INO80D: variants seen among roughly 807,000 people sequenced by gnomAD.
The protein encoded by INO80D is INO80 complex subunit D.
In INO80D, 21 loss-of-function variants were observed where a neutral mutation model predicts 87.6. The observed-to-expected ratio is 0.24, with a 90% CI of 0.17 to 0.35. INO80D has a LOEUF of 0.35. Ranked by LOEUF, INO80D falls within the 10% of genes least tolerant of loss-of-function variation. The pLI, the probability that INO80D is intolerant of heterozygous loss-of-function variation, is 1.00. For missense variants in INO80D, 982 were observed against 1,280.7 expected, an observed-to-expected ratio of 0.77 and a Z score of 3.56; for synonymous variants, 440 against 491.0, an observed-to-expected ratio of 0.90 and a Z score of 1.37.
Position 206,062,681 on chromosome 2 carries a change from G to C in INO80D, c.218+118C>G. 2.5e-6 allele frequency: 2 copies of C among 800,290 alleles called. No individual in the cohort carries two copies. The highest frequency in any genetic ancestry group is 4.0e-6 in the Non-Finnish European group (2 of 498,278). The allele number at this position is 800,290 out of a possible 1,614,324, so 49.6% of individuals were successfully genotyped here. A position where few individuals can be genotyped will look rare whatever the true frequency, so the allele number is the denominator to read the frequency against. The stretch of plus-strand genomic sequence containing the variant: ...CCCAGAATTCAACATTTATATAGGT[G>C]GAGGAAGGGAGGGAGGGAGAAATGA... On this transcript the variant is annotated intron_variant, in intron 3 of 10. Coordinates refer to ENST00000403263, the MANE Select transcript of INO80D (RefSeq NM_017759.5). This position sits in a 1 kb window ranked among gnomAD's most constrained non-coding sequence, Gnocchi z 4.6.
intron 5 of INO80D, among the ~76,000 whole-genome samples, chr2:206,034,509 T>C (rs936540261): frequency 1.3e-5 from 2 of 152,152 alleles, no homozygotes; most frequent in Admixed American, 6.5e-5. Flanking sequence ...ATCATCTCAA[T>C]AGATGCAGAA....
chr2:206,071,881 G>T (rs1458595736), intron 1 of INO80D, among the ~76,000 whole-genome samples: 6 of 151,924 alleles, frequency 3.9e-5, no homozygotes, highest in Non-Finnish European at 8.8e-5. Context: ...TAACTCACAG[G>T]AGCCCACATG....
chr2:206,080,611 G>C (rs1690249748), intron 1 of INO80D, among the ~76,000 whole-genome samples: 1 of 151,994 alleles, frequency 6.6e-6, no homozygotes, highest in Non-Finnish European at 1.5e-5. Flanking sequence ...TTCACATCAA[G>C]AATATTAAAA....
At chr2:206,024,410 G>A (rs1481177992) in intron 6 of INO80D, among the ~76,000 whole-genome samples, 38 of 152,054 alleles carry the variant, frequency 2.5e-4, no homozygotes, top group Admixed American at 2.5e-3. Flanking sequence ...AAGTCTCTGA[G>A]TAAGCTGAGA....
rs1575908013 is a variant in INO80D at position 206,085,116 on chromosome 2, G to A, written c.-124+785C>T. On this transcript the variant is annotated intron_variant, in intron 1 of 10. Transcript: ENST00000403263. The surrounding 1 kb of genome is among the most constrained non-coding windows in gnomAD (Gnocchi z 4.5). ...AGTGCGCTCCCCCACGCCCTGGGGG[G>A]TCCCGGGCGCTAGGACCAGGGCTCC... 6.6e-6 allele frequency among the ~76,000 whole-genome samples: 1 copy of A among 152,054 alleles called. No homozygotes were observed. Among genetic ancestry groups the A allele is most frequent in the South Asian group, 2.1e-4 (1 of 4,834 alleles).
intron 1 of INO80D, among the ~76,000 whole-genome samples, chr2:206,067,436 A>G (rs1031679669): frequency 6.6e-6 from 1 of 152,150 alleles, no homozygotes; most frequent in African/African-American, 2.4e-5. Flanking sequence ...ATTATTATAC[A>G]GTTTTGAATA....
chr2:206,032,393 G>A (rs1688792424), intron 5 of INO80D, among the ~76,000 whole-genome samples: 1 of 152,218 alleles, frequency 6.6e-6, no homozygotes, highest in Admixed American at 6.5e-5. Context: ...GGAGCTGGGT[G>A]AGGCCTATGA....
chr2:206,043,273 G>C (rs901487421), intron 5 of INO80D, among the ~76,000 whole-genome samples: 1 of 152,082 alleles, frequency 6.6e-6, no homozygotes, highest in Admixed American at 6.6e-5. Context: ...CCGCGTTCAA[G>C]CAATTCTTCT....
intron 6 of INO80D, chr2:206,025,707 A>C (rs1022248582): frequency 6.6e-6 from 1 of 151,434 alleles, no homozygotes; most frequent in Non-Finnish European, 1.5e-5. Context: ...AAGGAAAAGA[A>C]ATTTTTTAAA....
chr2:206,083,801 T>G (rs1486851023), intron 1 of INO80D, among the ~76,000 whole-genome samples: 2 of 129,506 alleles, frequency 1.5e-5, no homozygotes, highest in Non-Finnish European at 3.1e-5. Flanking sequence ...TGCCAGCAAC[T>G]CCAGCCTGCT....
In INO80D at chr2:206,002,572, T is replaced by C. The variant is rs553186547; in HGVS notation, c.*1796A>G. The C allele has an allele frequency of 1.8e-4, 27 of 152,312 alleles. No individual in the cohort carries two copies. The highest frequency in any genetic ancestry group is 6.5e-4 in the African/African-American group (27 of 41,574). The allele number at this position is 152,312 out of a possible 1,614,324, so 9.4% of individuals were successfully genotyped here. A position where few individuals can be genotyped will look rare whatever the true frequency, so the allele number is the denominator to read the frequency against. ...AATGATTTCATACAGTCATGTGACA[T>C]TTCCCCTCCATAACCTCAGGCACGT... On this transcript the variant is annotated 3_prime_UTR_variant, in exon 11 of 11. Transcript: ENST00000403263.
rs893370188 is a variant in INO80D, at chr2:206,004,615, G to A, written c.2837C>T (p.Pro946Leu). ...ACTGAAGCTGGTCTGTGGTAACCCC[G>A]GAAGCACACTGGAGCTGCTGGGGGT... ...TVTPSSSSVL[P>L]GLPQTSFSGM... The change falls in exon 11 of 11, where the codon CCG (proline) becomes CTG (leucine). Residue 946 changes from proline to leucine, a missense_variant. Physicochemically the swap from Pro to Leu is moderately conservative, Grantham distance 98 (BLOSUM62 -3). Transcript: ENST00000403263. The surrounding 1 kb of genome is among the most constrained non-coding windows in gnomAD (Gnocchi z 4.9). 10 of 1,612,754 alleles carry A rather than the reference G, an allele frequency of 6.2e-6. No homozygotes were observed. Among genetic ancestry groups the A allele is most frequent in the African/African-American group, 2.7e-5 (2 of 74,864 alleles).
intron 1 of INO80D, among the ~76,000 whole-genome samples, chr2:206,075,193 A>C (rs1325655692): frequency 6.6e-6 from 1 of 152,240 alleles, no homozygotes; most frequent in Non-Finnish European, 1.5e-5. Flanking sequence ...TAACAAAAGC[A>C]GCCAGCAGCC....
chr2:206,059,597 T>C (rs1689630278), intron 3 of INO80D, among the ~76,000 whole-genome samples: 1 of 152,152 alleles, frequency 6.6e-6, no homozygotes, highest in Non-Finnish European at 1.5e-5. Flanking sequence ...AGAATATGTG[T>C]GGGTGTGTTT....
chr2:206,062,316 T>C lies in INO80D; in HGVS notation c.218+483A>G, dbSNP rs114634720. Among the ~76,000 whole-genome samples, 507 of 152,300 alleles carry C rather than the reference T, an allele frequency of 3.3e-3. 6 individuals carry two copies. The highest frequency in any genetic ancestry group is 0.012 in the African/African-American group (485 of 41,572). ...AATTTTCTTCAGTAAGTATATATCC[T>C]TTACTAACTTCTAGGCATAGATTTT... is the stretch of plus-strand genomic sequence containing the variant. On this transcript the variant is annotated intron_variant, in intron 3 of 10. Coordinates refer to ENST00000403263, the MANE Select transcript of INO80D (RefSeq NM_017759.5). This position sits in a 1 kb window ranked among gnomAD's most constrained non-coding sequence, Gnocchi z 4.6.
intron 10 of INO80D, among the ~76,000 whole-genome samples, chr2:206,006,597 C>T (rs531848280): frequency 2.0e-5 from 3 of 150,598 alleles, no homozygotes; most frequent in South Asian, 2.1e-4. Flanking sequence ...GCAGGAGAAT[C>T]GCTGGAACAT....
intron 6 of INO80D, chr2:206,025,566 T>TATATATATAC: frequency 7.9e-6 from 1 of 126,500 alleles, no homozygotes; most frequent in Admixed American, 1.0e-4. Context: ...TATATATATA[T>TATATATATAC]ATAAAATAAC....
intron 3 of INO80D, among the ~76,000 whole-genome samples, chr2:206,057,476 G>C (rs569841269): frequency 1.3e-5 from 2 of 152,254 alleles, no homozygotes; most frequent in East Asian, 3.9e-4. Flanking sequence ...AAGATGGTTC[G>C]TGGGGTTATA....
At chr2:206,031,618 C>A (rs896880468) in intron 5 of INO80D, among the ~76,000 whole-genome samples, 1 of 152,176 alleles carries the variant, frequency 6.6e-6, no homozygotes, top group Non-Finnish European at 1.5e-5. Flanking sequence ...CTTGCGGGTG[C>A]CCCAGATGGC....
Sources: allele counts gnomAD v4.1 joint callset (sites outside exome capture counted in the v4.1 genomes callset), GRCh38; gene constraint gnomAD v4.1.1; non-coding constraint Gnocchi (gnomAD v3.1); transcripts MANE v1.5; gene names NCBI Gene and HGNC (gene_info 2026-07-23, HGNC 2026-07-21).